The following C6 variants were observed in gnomAD, a reference collection of about 807,000 sequenced individuals.
The protein encoded by C6 is complement component C6.
A neutral mutation model predicts 112.9 loss-of-function variants in C6; 101 were observed. That is an observed-to-expected ratio of 0.89 (90% confidence interval 0.76 to 1.06). C6 has a LOEUF of 1.06. Ranked by LOEUF, C6 falls within the 50% of genes least tolerant of loss-of-function variation. The pLI, the probability that C6 is intolerant of heterozygous loss-of-function variation, is 0.00. For missense variants in C6, 1,202 were observed against 1,104.6 expected, an observed-to-expected ratio of 1.09 and a Z score of -1.25; for synonymous variants, 431 against 384.1, an observed-to-expected ratio of 1.12 and a Z score of -1.43.
chr5:41,233,369 T>C (rs985442487), intron 1 of C6, among the ~76,000 whole-genome samples: 2 of 152,094 alleles, frequency 1.3e-5, no homozygotes, highest in Non-Finnish European at 2.9e-5. Flanking sequence ...TGTTTCTTGA[T>C]GGATATTCTA....
intron 1 of C6, among the ~76,000 whole-genome samples, chr5:41,228,096 A>G (rs1348304862): frequency 6.6e-6 from 1 of 152,142 alleles, no homozygotes; most frequent in Non-Finnish European, 1.5e-5. Context: ...CTTCCAATTT[A>G]TAACATGGGA....
At chr5:41,207,586 T>C (rs1010504027) in intron 1 of C6, among the ~76,000 whole-genome samples, 3 of 152,108 alleles carry the variant, frequency 2.0e-5, no homozygotes, top group African/African-American at 4.8e-5. Context: ...TCCTAGTCTC[T>C]GATAAAACAG....
Position 41,149,936 on chromosome 5 carries a change from TA to T in C6, c.2379del (p.Cys793Ter), listed in dbSNP as rs1441929027. The T allele has an allele frequency of 5.6e-6, 9 of 1,603,374 alleles. No individual in the cohort carries two copies. The highest frequency in any genetic ancestry group is 7.7e-6 in the Non-Finnish European group (9 of 1,170,394). On this transcript the variant is annotated frameshift_variant and splice_region_variant, in exon 16 of 18. Transcript: ENST00000337836. LOFTEE classifies it high-confidence loss of function. ...ECICMSPEED[C>X]SHHSEDLCVF... ...CACAGTCTGTAGGGTATCTCTTACC[TA>T]CAGTCTTCTTCTGGAGACATACAAA...
chr5:41,152,702 A>T (rs1474891037), intron 15 of C6: 1 of 152,194 alleles, frequency 6.6e-6, no homozygotes, highest in African/African-American at 2.4e-5. Context: ...TCCTTCCGGT[A>T]AGGCTTTAGC....
chr5:41,196,424 T>G (rs1750625427), intron 4 of C6, among the ~76,000 whole-genome samples: 1 of 151,952 alleles, frequency 6.6e-6, no homozygotes, highest in South Asian at 2.1e-4. Context: ...ATGTGATTCC[T>G]TTATATGATG....
chr5:41,238,442 TAATAAATAATA>T (rs1283275354), intron 1 of C6, among the ~76,000 whole-genome samples: 1 of 152,192 alleles, frequency 6.6e-6, no homozygotes, highest in East Asian at 1.9e-4. Context: ...CATTCTTTAT[TAATAAATAATA>T]AATGGCATTA....
chr5:41,231,144 T>C (rs1460388088), intron 1 of C6, among the ~76,000 whole-genome samples: 2 of 152,148 alleles, frequency 1.3e-5, no homozygotes, highest in South Asian at 2.1e-4. Context: ...TTAAAATACA[T>C]TTATTTTTTA....
chr5:41,163,809 G>A (rs1008429939), intron 9 of C6, among the ~76,000 whole-genome samples: 6 of 152,106 alleles, frequency 3.9e-5, no homozygotes. Context: ...TTTTAAAAAT[G>A]ATATAATTAC....
intron 1 of C6, among the ~76,000 whole-genome samples, chr5:41,241,907 C>T (rs1346356633): frequency 6.6e-6 from 1 of 152,082 alleles, no homozygotes; most frequent in Non-Finnish European, 1.5e-5. Context: ...CCCATCATTC[C>T]TCTTCCATGA....
chr5:41,242,512 G>T (rs904263637), intron 1 of C6, among the ~76,000 whole-genome samples: 6 of 152,068 alleles, frequency 3.9e-5, no homozygotes, highest in African/African-American at 1.4e-4. Context: ...AATAAACAGG[G>T]TACATCTGAG....
At chr5:41,233,441 G>A (rs1054513622) in intron 1 of C6, among the ~76,000 whole-genome samples, 2 of 152,048 alleles carry the variant, frequency 1.3e-5, no homozygotes, top group Admixed American at 1.3e-4. Flanking sequence ...TCTAAGGAAG[G>A]CATAATTCTT....
chr5:41,207,664 A>T (rs1276795513), intron 1 of C6, among the ~76,000 whole-genome samples: 6 of 152,252 alleles, frequency 3.9e-5, no homozygotes, highest in Non-Finnish European at 7.3e-5. Context: ...GATGAATTCA[A>T]AAAGAAGAGC....
chr5:41,242,065 T>C (rs902670496), intron 1 of C6, among the ~76,000 whole-genome samples: 7 of 152,182 alleles, frequency 4.6e-5, no homozygotes, highest in African/African-American at 1.7e-4. Flanking sequence ...TTTTTCCTCA[T>C]TAATTGGCAT....
At chr5:41,155,243 A>T in intron 13 of C6, 139 bp from the exon 14 acceptor site, 1 of 771,310 alleles carries the variant, frequency 1.3e-6, no homozygotes, top group Non-Finnish European at 2.1e-6. Context: ...ACTTCTAAAA[A>T]CCTGTTAAAG....
chr5:41,224,598 T>C (rs1739374915), intron 1 of C6, among the ~76,000 whole-genome samples: 1 of 152,174 alleles, frequency 6.6e-6, no homozygotes, highest in South Asian at 2.1e-4. Context: ...TTTTTATTGC[T>C]GAATAACACT....
At chr5:41,155,243 A>C in intron 13 of C6, 139 bp from the exon 14 acceptor site, 2 of 771,322 alleles carry the variant, frequency 2.6e-6, no homozygotes, top group Non-Finnish European at 4.1e-6. Flanking sequence ...ACTTCTAAAA[A>C]CCTGTTAAAG....
intron 13 of C6, 57 bp downstream of exon 13, chr5:41,158,617 C>A (rs769077286): frequency 2.3e-6 from 2 of 883,048 alleles, no homozygotes; most frequent in Non-Finnish European, 3.9e-6. Context: ...AAAAGACAAG[C>A]TATACTTTTC....
rs1003642790 is a variant in C6, at chr5:41,155,694, A to G, written c.1969-590T>C. Reference sequence around the variant, plus strand: ...TGGTGAGCCATGATTGTTCCATTGTACTTCAGCGTGGGCAACAGAGTGAAA... The same window carrying G: ...TGGTGAGCCATGATTGTTCCATTGTGCTTCAGCGTGGGCAACAGAGTGAAA... On this transcript the variant is annotated intron_variant, in intron 13 of 17. Transcript: ENST00000337836. Among the ~76,000 whole-genome samples, 8 of 152,140 alleles carry G rather than the reference A, an allele frequency of 5.3e-5. 1 individual carries two copies. The South Asian group carries it at 1.2e-3, about 24-fold the overall frequency.
At chr5:41,153,672 C>T (rs1033306341) in intron 15 of C6, 138 bp downstream of exon 15, 36 of 662,352 alleles carry the variant, frequency 5.4e-5, no homozygotes, top group African/African-American at 3.1e-4. Context: ...TGCATAGTTC[C>T]GGTTTGACCC....
Sources: allele counts gnomAD v4.1 joint callset (sites outside exome capture counted in the v4.1 genomes callset), GRCh38; gene constraint gnomAD v4.1.1; transcripts MANE v1.5; gene names NCBI Gene and HGNC (gene_info 2026-07-23, HGNC 2026-07-21).